TOP1: variants seen among roughly 807,000 people sequenced by gnomAD.
TOP1 encodes the protein DNA topoisomerase I.
TOP1 carries 10 observed loss-of-function variants against 111.1 expected under a neutral mutation model. That is an observed-to-expected ratio of 0.09 (90% CI 0.06 to 0.15). The LOEUF is 0.15. Among genes scored for constraint, TOP1 ranks in the 10% least tolerant of loss-of-function variants. The pLI is 1.00. For synonymous variants in TOP1, 271 were observed against 302.9 expected (o/e 0.89, Z 1.10); for missense variants, 474 against 926.7 (o/e 0.51, Z 6.34).
intron 18 of TOP1, among the ~76,000 whole-genome samples, chr20:41,119,110 G>A (rs1017287045): frequency 2.0e-5 from 3 of 152,182 alleles, no homozygotes; most frequent in Admixed American, 6.5e-5. Context: ...TTTAAAGTCC[G>A]ATAATAGATG....
In TOP1 at chr20:41,047,788, A is replaced by G. The variant is rs140422911; in HGVS notation, c.59-13606A>G. ...GATTGAATGTGCTTGTGTGTATCAC[A>G]GGAAGCTCACCAGGACTCTTGGTAT... On this transcript the variant is annotated intron_variant, in intron 2 of 20. Transcript: ENST00000361337. Among the ~76,000 whole-genome samples, 823 of 152,318 alleles carry G rather than the reference A, an allele frequency of 5.4e-3. 4 individuals carry two copies. The highest frequency in any genetic ancestry group is 9.6e-3 in the Non-Finnish European group (650 of 68,020).
chr20:41,092,601 A>T lies in TOP1; in HGVS notation c.730+14A>T, dbSNP rs1185188356. On this transcript the variant is annotated intron_variant, in intron 9 of 20. Transcript: ENST00000361337. This position sits in a 1 kb window ranked among gnomAD's most constrained non-coding sequence, Gnocchi z 4.3. The stretch of plus-strand genomic sequence containing the variant: ...TTTATTATGATGGTGAGTTGTTTCA[A>T]GGTTCTTGATTCTTGGCCAGGAAAA... The T allele has an allele frequency of 7.4e-7, 1 of 1,342,672 alleles. No individual in the cohort carries two copies. The highest frequency in any genetic ancestry group is 2.3e-5 in the East Asian group (1 of 43,094). The allele number at this position is 1,342,672 out of a possible 1,614,324, so 83.2% of individuals were successfully genotyped here.
rs945072801 is a variant in TOP1, at chr20:41,118,840, G to T, written c.1950+544G>T. ...TGCCAGACAACTTGCTGCCCTAAAG[G>T]GAAAGACTGGTGTGCAAATAGGTGC... On this transcript the variant is annotated intron_variant, in intron 18 of 20. Transcript: ENST00000361337. The surrounding 1 kb of genome is among the most constrained non-coding windows in gnomAD (Gnocchi z 4.6). 3.9e-5 allele frequency among the ~76,000 whole-genome samples: 6 copies of T among 152,184 alleles called. No homozygotes were observed. The highest frequency in any genetic ancestry group is 1.3e-4 in the Admixed American group (2 of 15,284).
Position 41,123,861 on chromosome 20 carries a change from T to C in TOP1, c.*564T>C. 1 of 232,644 alleles carries C rather than the reference T, an allele frequency of 4.3e-6. No homozygotes were observed. The highest frequency in any genetic ancestry group is 6.1e-5 in the East Asian group (1 of 16,376). 14.4% of individuals were successfully genotyped at this position (232,644 alleles called of 1,614,324 possible). On this transcript the variant is annotated 3_prime_UTR_variant, in exon 21 of 21. Coordinates refer to ENST00000361337, the MANE Select transcript of TOP1 (RefSeq NM_003286.4). The surrounding 1 kb of genome is among the most constrained non-coding windows in gnomAD (Gnocchi z 5.8). ...CTTGAAGCAGTCGTGGCTTTGGCAG[T>C]GTTTTGGTTCAGACACCTGTTCACA...
At position 41,061,609 on chromosome 20, in the gene TOP1, G is replaced by A. The variant is rs2033546207; in HGVS notation, c.155+119G>A. The A allele has an allele frequency of 1.2e-6, 1 of 858,622 alleles. No homozygotes were observed. Among genetic ancestry groups the A allele is most frequent in the South Asian group, 1.8e-5 (1 of 55,306 alleles). The allele number at this position is 858,622 out of a possible 1,614,324, so 53.2% of individuals were successfully genotyped here. On this transcript the variant is annotated intron_variant, in intron 3 of 20. Coordinates refer to ENST00000361337, the MANE Select transcript of TOP1 (RefSeq NM_003286.4). The surrounding 1 kb of genome is among the most constrained non-coding windows in gnomAD (Gnocchi z 4.6). ...AAAGATAGCAAAGTAAGTAGAAACTGTATTTGATCCTAGAGTTGCTATGAG... is the reference window on the plus strand; with the variant it reads ...AAAGATAGCAAAGTAAGTAGAAACTATATTTGATCCTAGAGTTGCTATGAG...
Position 41,092,491 on chromosome 20 carries a change from C to G in TOP1, c.634C>G (p.Pro212Ala), listed in dbSNP as rs1462921114. ...KWKWWEEERYPEGIKWKFLEH... is the reference protein window; with the variant it reads ...KWKWWEEERYAEGIKWKFLEH... ...TTAAAGGTGGGAAGAAGAGCGCTAT[C>G]CTGAAGGCATCAAGTGGAAATTCCT... Residue 212 changes from proline to alanine, a missense_variant, in exon 9 of 21, where the codon CCT becomes GCT. Physicochemically the swap from Pro to Ala is conservative, Grantham distance 27. Coordinates refer to ENST00000361337, the MANE Select transcript of TOP1 (RefSeq NM_003286.4). The surrounding 1 kb of genome is among the most constrained non-coding windows in gnomAD (Gnocchi z 4.3). The G allele has an allele frequency of 6.3e-7, 1 of 1,598,658 alleles. No individual in the cohort carries two copies. Among genetic ancestry groups the G allele is most frequent in the Non-Finnish European group, 8.5e-7 (1 of 1,172,370 alleles).
Position 41,076,222 on chromosome 20 carries a change from C to T in TOP1, c.207C>T (p.His69=), listed in dbSNP as rs755282743. Reference sequence around the variant, plus strand: ...ACAAAGAGAAGGAGAAGACCAAACACAAAGATGGAAGCTCAGAAAAGCATA... The same window carrying T: ...ACAAAGAGAAGGAGAAGACCAAACATAAAGATGGAAGCTCAGAAAAGCATA... ...KKHKEKEKTK[H]KDGSSEKHKD... is the part of the protein sequence containing the mutation. Residue 69 remains histidine, a synonymous_variant, in exon 4 of 21, where the codon CAC becomes CAT. Transcript: ENST00000361337. The T allele has an allele frequency of 1.3e-6, 2 of 1,599,666 alleles. No homozygotes were observed. Among genetic ancestry groups the T allele is most frequent in the Admixed American group, 3.3e-5 (2 of 59,876 alleles).
In TOP1 at chr20:41,071,875, A is replaced by G. The variant is rs1478770842; in HGVS notation, c.156-4296A>G. On this transcript the variant is annotated intron_variant, in intron 3 of 20. Transcript: ENST00000361337. This position sits in a 1 kb window ranked among gnomAD's most constrained non-coding sequence, Gnocchi z 4.3. ...GTTGTTTTCTCGTTCAGAGTTCCTC[A>G]TGCCCATGGGGTAAATTCATATTTC... Among the ~76,000 whole-genome samples the G allele has an allele frequency of 3.9e-5, 6 of 152,364 alleles. No homozygotes were observed. Among genetic ancestry groups the G allele is most frequent in the South Asian group, 2.1e-4 (1 of 4,830 alleles).
intron 2 of TOP1, among the ~76,000 whole-genome samples, chr20:41,055,365 T>G (rs2033457605): frequency 6.6e-6 from 1 of 152,216 alleles, no homozygotes; most frequent in South Asian, 2.1e-4. Flanking sequence ...GAATTCCAGT[T>G]AAGGGGAAAA....
In TOP1 at chr20:41,121,088, G is replaced by A. The variant is rs1043235496; in HGVS notation, c.1951-608G>A. Among the ~76,000 whole-genome samples, 10 of 152,192 alleles carry A rather than the reference G, an allele frequency of 6.6e-5. No homozygotes were observed. Among genetic ancestry groups the A allele is most frequent in the Non-Finnish European group, 1.2e-4 (8 of 68,032 alleles). ...GAATGCCAAAGCTAAGCCCTGCCATGTCCTGGTTTGGGACAGACTGGCTGA... is the reference window on the plus strand; with the variant it reads ...GAATGCCAAAGCTAAGCCCTGCCATATCCTGGTTTGGGACAGACTGGCTGA... On this transcript the variant is annotated intron_variant, in intron 18 of 20. Transcript: ENST00000361337. This position sits in a 1 kb window ranked among gnomAD's most constrained non-coding sequence, Gnocchi z 4.2.
At position 41,100,410 on chromosome 20, in the gene TOP1, T is replaced by C. The variant is rs1255920190; in HGVS notation, c.1163+167T>C. Among the ~76,000 whole-genome samples, 1 of 152,140 alleles carries C rather than the reference T, an allele frequency of 6.6e-6. No homozygotes were observed. The highest frequency in any genetic ancestry group is 1.9e-4 in the East Asian group (1 of 5,198). Reference sequence around the variant, plus strand: ...CAGATGTTTTTGAGGTACAGTTGTCTCCCCTCATCCACAGGGGATATGTTC... The same window carrying C: ...CAGATGTTTTTGAGGTACAGTTGTCCCCCCTCATCCACAGGGGATATGTTC... On this transcript the variant is annotated intron_variant, in intron 12 of 20. Transcript: ENST00000361337. This position sits in a 1 kb window ranked among gnomAD's most constrained non-coding sequence, Gnocchi z 4.4.
intron 2 of TOP1, among the ~76,000 whole-genome samples, chr20:41,057,642 A>T (rs2033490558): frequency 6.6e-6 from 1 of 152,238 alleles, no homozygotes; most frequent in South Asian, 2.1e-4. Context: ...TCATAAATTG[A>T]CTACCCTAAG....
chr20:41,103,645 T>C (rs1410866802), intron 13 of TOP1, among the ~76,000 whole-genome samples: 3 of 151,980 alleles, frequency 2.0e-5, no homozygotes, highest in Non-Finnish European at 4.4e-5. Flanking sequence ...TAAAGGATAA[T>C]GTAAAGAAAA....
At chr20:41,047,932 G>A (rs1216772062) in intron 2 of TOP1, among the ~76,000 whole-genome samples, 1 of 152,108 alleles carries the variant, frequency 6.6e-6, no homozygotes, top group Non-Finnish European at 1.5e-5. Flanking sequence ...CTATTTTAAA[G>A]AGCTTGACTA....
chr20:41,061,971 T>G lies in TOP1; in HGVS notation c.155+481T>G, dbSNP rs1367302914. Among the ~76,000 whole-genome samples the G allele has an allele frequency of 6.6e-6, 1 of 152,204 alleles. No homozygotes were observed. Among genetic ancestry groups the G allele is most frequent in the Non-Finnish European group, 1.5e-5 (1 of 68,032 alleles). On this transcript the variant is annotated intron_variant, in intron 3 of 20. Transcript: ENST00000361337. This position sits in a 1 kb window ranked among gnomAD's most constrained non-coding sequence, Gnocchi z 4.6. ...TATGAGATTTCCTGGAGAGACTATT[T>G]GTAGCTTTCATCATGTTATCAGAGG...
At chr20:41,113,266 T>G (rs752245274) in intron 14 of TOP1, among the ~76,000 whole-genome samples, 48 of 152,206 alleles carry the variant, frequency 3.2e-4, no homozygotes, top group Non-Finnish European at 8.8e-5. Context: ...AAGTTCATGT[T>G]TTTCCCCCAG....
chr20:41,063,123 T>C (rs889781706), intron 3 of TOP1, among the ~76,000 whole-genome samples: 1 of 152,188 alleles, frequency 6.6e-6, no homozygotes, highest in Admixed American at 6.5e-5. Context: ...CAGTGTCTAT[T>C]ATTGCCATCT....
Position 41,122,758 on chromosome 20 carries a change from C to T in TOP1, c.2196-437C>T, listed in dbSNP as rs1381055338. 1.3e-5 allele frequency among the ~76,000 whole-genome samples: 2 copies of T among 152,150 alleles called. No homozygotes were observed. The highest frequency in any genetic ancestry group is 1.9e-4 in the East Asian group (1 of 5,194). Reference sequence around the variant, plus strand: ...TCCTCCCCTATGGCACTTGCTAGTCCGGGCTAAAGTTTCCATCTAGGTCTT... The same window carrying T: ...TCCTCCCCTATGGCACTTGCTAGTCTGGGCTAAAGTTTCCATCTAGGTCTT... On this transcript the variant is annotated intron_variant, in intron 20 of 20. Coordinates refer to ENST00000361337, the MANE Select transcript of TOP1 (RefSeq NM_003286.4). This position sits in a 1 kb window ranked among gnomAD's most constrained non-coding sequence, Gnocchi z 5.4.
At chr20:41,075,306 G>A (rs1192754287) in intron 3 of TOP1, among the ~76,000 whole-genome samples, 1 of 152,100 alleles carries the variant, frequency 6.6e-6, no homozygotes, top group Non-Finnish European at 1.5e-5. Flanking sequence ...CGAGTAGCTG[G>A]GACTACAGGC....
Sources: gnomAD v4.1 joint callset for allele counts (sites outside exome capture counted in the v4.1 genomes callset) on GRCh38, gnomAD v4.1.1 for gene constraint, Gnocchi (gnomAD v3.1) non-coding constraint, MANE v1.5 for transcripts, NCBI Gene and HGNC (gene_info 2026-07-23, HGNC 2026-07-21) for gene names.